COL26A1: variants seen among roughly 807,000 people sequenced by gnomAD.
COL26A1 encodes the protein collagen alpha-1(XXVI) chain.
COL26A1 carries 41 observed loss-of-function variants against 59.3 expected under a neutral mutation model. The observed-to-expected ratio is 0.69, with a 90% CI of 0.54 to 0.90. COL26A1 has a LOEUF of 0.90. COL26A1 is among the 40% of genes least tolerant of loss of function. The probability of loss-of-function intolerance (pLI) is 0.00; values close to 1 mark genes in which losing one functional copy is unlikely to be tolerated. For missense variants in COL26A1, 612 were observed against 602.3 expected (o/e 1.02, Z -0.17); for synonymous variants, 266 against 256.0 (o/e 1.04, Z -0.37).
chr7:101,386,719 G>A (rs1408248250), intron 1 of COL26A1, among the ~76,000 whole-genome samples: 6 of 152,212 alleles, frequency 3.9e-5, no homozygotes, highest in Admixed American at 1.3e-4. Context: ...ACTCACGCAG[G>A]AGCTCACAAG....
rs1794363106 is a variant in COL26A1 at position 101,489,694 on chromosome 7, TTTCTG to T, written c.385+41909_385+41913del. ...CTTCCTTCCTTCCTTTCTTTCTTTCTTTCTGTCTTTCTTTCTTTCATTCTTTCTTT... is the reference window on the plus strand; with the variant it reads ...CTTCCTTCCTTCCTTTCTTTCTTTCTTCTTTCTTTCTTTCATTCTTTCTTT... On this transcript the variant is annotated intron_variant, in intron 3 of 12. Transcript: ENST00000313669. Among the ~76,000 whole-genome samples, 5 of 8,442 alleles carry T rather than the reference TTTCTG, an allele frequency of 5.9e-4. 2 individuals carry two copies. Among genetic ancestry groups the T allele is most frequent in the African/African-American group, 3.1e-3 (3 of 968 alleles). The allele number at this position is 8,442 out of a possible 152,430, so 5.5% of individuals were successfully genotyped here. A position where few individuals can be genotyped will look rare whatever the true frequency, so the allele number is the denominator to read the frequency against.
At chr7:101,414,551 C>A (rs1792328095) in intron 1 of COL26A1, among the ~76,000 whole-genome samples, 1 of 152,110 alleles carries the variant, frequency 6.6e-6, no homozygotes, top group African/African-American at 2.4e-5. Context: ...AATTCTCCCG[C>A]CTCAGCCTCC....
chr7:101,553,433 C>T (rs537475372), intron 11 of COL26A1, 57 bp downstream of exon 11: 88 of 1,555,794 alleles, frequency 5.7e-5, no homozygotes, highest in Non-Finnish European at 7.6e-5. Flanking sequence ...AGCACTGTCA[C>T]GGGAGGGCAG....
At chr7:101,468,659 G>A (rs976127648) in intron 3 of COL26A1, among the ~76,000 whole-genome samples, 1 of 152,244 alleles carries the variant, frequency 6.6e-6, no homozygotes, top group African/African-American at 2.4e-5. Flanking sequence ...TGGAGATGAT[G>A]TAGCATGTTC....
At chr7:101,477,927 C>T (rs1794083664) in intron 3 of COL26A1, among the ~76,000 whole-genome samples, 1 of 152,150 alleles carries the variant, frequency 6.6e-6, no homozygotes. Context: ...ATTTCTGTTG[C>T]TGTTGACTCT....
intron 3 of COL26A1, among the ~76,000 whole-genome samples, chr7:101,517,568 C>T (rs1434116040): frequency 6.6e-6 from 1 of 152,124 alleles, no homozygotes; most frequent in Non-Finnish European, 1.5e-5. Flanking sequence ...CTCACTATCA[C>T]GAGAACGGCA....
rs77932311 is a variant in COL26A1 at position 101,523,596 on chromosome 7, A to C, written c.386-9486A>C. ...TCAGATTCTTTTACTTTTCTTTTTCATTTGTATATCCAATTGACCAGCACC... is the reference window on the plus strand; with the variant it reads ...TCAGATTCTTTTACTTTTCTTTTTCCTTTGTATATCCAATTGACCAGCACC... On this transcript the variant is annotated intron_variant, in intron 3 of 12. Coordinates refer to ENST00000313669, the MANE Select transcript of COL26A1 (RefSeq NM_001278563.3). Among the ~76,000 whole-genome samples the C allele has an allele frequency of 5.4e-3, 826 of 152,084 alleles. 6 individuals carry two copies. Among genetic ancestry groups the C allele is most frequent in the Non-Finnish European group, 9.0e-3 (615 of 67,974 alleles).
rs1554416021 is a variant in COL26A1, at chr7:101,463,771, T to TTCTTTCTTTCTCTC, written c.385+15995_385+15996insCTCTCTTTCTTTCT. Among the ~76,000 whole-genome samples the TTCTTTCTTTCTCTC allele has an allele frequency of 5.0e-3, 411 of 81,750 alleles. 6 individuals are homozygous for TTCTTTCTTTCTCTC. Among genetic ancestry groups the TTCTTTCTTTCTCTC allele is most frequent in the African/African-American group, 0.023 (382 of 16,622 alleles). 53.6% of individuals were successfully genotyped at this position (81,750 alleles called of 152,430 possible). The stretch of plus-strand genomic sequence containing the variant: ...CTTCCTCCCTTCCCCTTTTCCTTCC[T>TTCTTTCTTTCTCTC]TCTTTCTTTCTTTCTTCCTTTCTTT... On this transcript the variant is annotated intron_variant, in intron 3 of 12. Coordinates refer to ENST00000313669, the MANE Select transcript of COL26A1 (RefSeq NM_001278563.3).
intron 5 of COL26A1, among the ~76,000 whole-genome samples, chr7:101,542,478 G>A (rs1019865501): frequency 5.9e-5 from 9 of 152,190 alleles, no homozygotes; most frequent in African/African-American, 1.9e-4. Flanking sequence ...GCTCAGAGAA[G>A]TTAAGTGACA....
chr7:101,398,556 T>C (rs936053847), intron 1 of COL26A1, among the ~76,000 whole-genome samples: 1 of 152,162 alleles, frequency 6.6e-6, no homozygotes, highest in Non-Finnish European at 1.5e-5. Context: ...TAAGATGTCA[T>C]AGGTCTCCCT....
At chr7:101,501,221 A>G (rs1262411685) in intron 3 of COL26A1, among the ~76,000 whole-genome samples, 1 of 151,344 alleles carries the variant, frequency 6.6e-6, no homozygotes, top group Admixed American at 6.6e-5. Context: ...AGAAAAGAAA[A>G]AAAAAAAAAA....
At chr7:101,467,790 C>G (rs1387131897) in intron 3 of COL26A1, among the ~76,000 whole-genome samples, 1 of 151,918 alleles carries the variant, frequency 6.6e-6, no homozygotes, top group African/African-American at 2.4e-5. Flanking sequence ...TGGCATGAAC[C>G]CGGGAAGCAG....
At chr7:101,524,581 A>G (rs1322360143) in intron 3 of COL26A1, among the ~76,000 whole-genome samples, 1 of 152,190 alleles carries the variant, frequency 6.6e-6, no homozygotes, top group Non-Finnish European at 1.5e-5. Context: ...GAGTCTTCCA[A>G]TCCATGAACA....
intron 10 of COL26A1, 119 bp from the exon 11 acceptor site, chr7:101,553,207 T>C (rs12674244): frequency 0.54 from 464,583 of 861,026 alleles, 130,352 homozygotes; most frequent in Middle Eastern, 0.67. Context: ...AGCACCCGTT[T>C]CCCAGGCCCT....
intron 2 of COL26A1, among the ~76,000 whole-genome samples, chr7:101,434,071 TCCC>T (rs1562976893): frequency 1.0e-4 from 9 of 87,980 alleles, no homozygotes; most frequent in Admixed American, 1.3e-4. Context: ...CCTCCCTCCC[TCCC>T]TCCCTCCCTC....
At chr7:101,456,885 G>GTC (rs1266582962) in intron 3 of COL26A1, among the ~76,000 whole-genome samples, 3 of 152,112 alleles carry the variant, frequency 2.0e-5, no homozygotes, top group Admixed American at 6.6e-5. Context: ...CTCCCAGAAA[G>GTC]TCTCTACCCC....
At position 101,500,813 on chromosome 7, in the gene COL26A1, G is replaced by A. The variant is rs34707022; in HGVS notation, c.386-32269G>A. 1.6e-3 allele frequency among the ~76,000 whole-genome samples: 249 copies of A among 151,740 alleles called. 1 individual carries two copies. The South Asian group carries it at 0.032, about 19-fold the overall frequency. ...CCCAGCCTCGGCAACAGAGCGAGAC[G>A]CTGTCTCAATAAATAAAAAAATAAA... On this transcript the variant is annotated intron_variant, in intron 3 of 12. Transcript: ENST00000313669.
chr7:101,377,126 TG>T (rs1295333112), intron 1 of COL26A1, among the ~76,000 whole-genome samples: 1 of 152,184 alleles, frequency 6.6e-6, no homozygotes, highest in Non-Finnish European at 1.5e-5. Flanking sequence ...CGCAAAGTGC[TG>T]GGATTACAGG....
intron 3 of COL26A1, among the ~76,000 whole-genome samples, chr7:101,487,826 A>C (rs1183774403): frequency 6.6e-6 from 1 of 152,082 alleles, no homozygotes; most frequent in African/African-American, 2.4e-5. Context: ...CCCCCACCAC[A>C]ACACTGATTT....
Sources: allele counts gnomAD v4.1 joint callset (sites outside exome capture counted in the v4.1 genomes callset), GRCh38; gene constraint gnomAD v4.1.1; transcripts MANE v1.5; gene names NCBI Gene and HGNC (gene_info 2026-07-23, HGNC 2026-07-21).